The following ANK2 variants were observed in gnomAD, a reference collection of about 807,000 sequenced individuals.
The protein encoded by ANK2 is ankyrin-2.
A neutral mutation model predicts 360.5 loss-of-function variants in ANK2; 83 were observed. The observed-to-expected ratio is 0.23, with a 90% CI of 0.19 to 0.28. ANK2 has a LOEUF of 0.28. Among genes scored for constraint, ANK2 ranks in the 10% least tolerant of loss-of-function variants. The pLI is 1.00. For missense variants in ANK2, 4,201 were observed against 4,795.7 expected, an observed-to-expected ratio of 0.88 and a Z score of 3.66; for synonymous variants, 1,740 against 1,759.5, an observed-to-expected ratio of 0.99 and a Z score of 0.28.
chr4:112,791,479 C>CTTTTTTTTTTTTTTT, the ANK2 span, among the ~76,000 whole-genome samples: 7 of 93,896 alleles, frequency 7.5e-5, no homozygotes, highest in Admixed American at 1.3e-4. Flanking sequence ...TCTTCTTCTT[C>CTTTTTTTTTTTTTTT]TTTTTTTTTT....
At chr4:112,928,806 A>G (rs2092867723) in intron 2 of ANK2, among the ~76,000 whole-genome samples, 1 of 151,960 alleles carries the variant, frequency 6.6e-6, no homozygotes, top group Admixed American at 6.6e-5. Context: ...AGCTCCCAGA[A>G]TTGTAGAAAA....
chr4:112,944,030 T>G (rs1419113638), intron 2 of ANK2, among the ~76,000 whole-genome samples: 1 of 152,170 alleles, frequency 6.6e-6, no homozygotes, highest in Non-Finnish European at 1.5e-5. Context: ...GAGGTCTATT[T>G]TGCAGAATTT....
intron 1 of ANK2, among the ~76,000 whole-genome samples, chr4:113,088,769 C>A (rs1165172138): frequency 6.6e-6 from 1 of 152,072 alleles, no homozygotes; most frequent in Non-Finnish European, 1.5e-5. Context: ...ATAATTAGAA[C>A]CACATTTTTA....
intron 1 of ANK2, among the ~76,000 whole-genome samples, chr4:112,823,571 C>CA (rs34386421): frequency 0.5 from 71,830 of 143,308 alleles, 17,363 homozygotes; most frequent in Middle Eastern, 0.58. Flanking sequence ...AGAGGAAATG[C>CA]AAAAAAAAAA....
chr4:113,331,582 A>G (rs1173048241), intron 27 of ANK2, among the ~76,000 whole-genome samples: 3 of 152,144 alleles, frequency 2.0e-5, no homozygotes, highest in Admixed American at 2.0e-4. Context: ...TCGTGCTCAG[A>G]TAGTTTAGGC....
intron 1 of ANK2, among the ~76,000 whole-genome samples, chr4:113,097,909 T>C (rs2091909954): frequency 1.0e-4 from 12 of 114,822 alleles, no homozygotes; most frequent in Non-Finnish European, 1.2e-4. Flanking sequence ...CACATATATA[T>C]GTATATATAC....
At chr4:113,113,694 C>G (rs891915046) in intron 1 of ANK2, among the ~76,000 whole-genome samples, 1 of 152,036 alleles carries the variant, frequency 6.6e-6, no homozygotes, top group South Asian at 2.1e-4. Context: ...ATGGGAAGAG[C>G]CTTTTAATGT....
chr4:112,977,159 A>G (rs1173065315), intron 2 of ANK2, among the ~76,000 whole-genome samples: 8 of 152,230 alleles, frequency 5.3e-5, no homozygotes, highest in Admixed American at 1.3e-4. Flanking sequence ...AATTGTATTC[A>G]TGTAACTTTC....
At chr4:112,880,285 T>C (rs2076353581) in intron 1 of ANK2, 1 of 152,220 alleles carries the variant, frequency 6.6e-6, no homozygotes, top group Non-Finnish European at 1.5e-5. Context: ...AAACTAGTTA[T>C]CTAGACAGAT....
intron 26 of ANK2, among the ~76,000 whole-genome samples, chr4:113,322,635 A>G (rs912989289): frequency 6.6e-6 from 1 of 152,226 alleles, no homozygotes. Context: ...ATTCATTAAA[A>G]TGTCCTACAC....
At chr4:112,993,969 A>T (rs1369817463) in intron 2 of ANK2, among the ~76,000 whole-genome samples, 1 of 152,106 alleles carries the variant, frequency 6.6e-6, no homozygotes, top group East Asian at 1.9e-4. Flanking sequence ...TGGCCTCCCA[A>T]AGTGCTGGGA....
chr4:112,781,702 G>C, the ANK2 span, among the ~76,000 whole-genome samples: 1 of 151,522 alleles, frequency 6.6e-6, no homozygotes, highest in Non-Finnish European at 1.5e-5. Context: ...TCATCAAGCT[G>C]TCTACTTATA....
intron 1 of ANK2, among the ~76,000 whole-genome samples, chr4:113,127,850 G>A (rs1328280373): frequency 6.6e-6 from 1 of 152,084 alleles, no homozygotes; most frequent in Non-Finnish European, 1.5e-5. Context: ...GATGAACAGG[G>A]CTTGGATTGG....
chr4:112,831,793 C>T (rs1303711085), intron 1 of ANK2, among the ~76,000 whole-genome samples: 1 of 152,218 alleles, frequency 6.6e-6, no homozygotes, highest in African/African-American at 2.4e-5. Context: ...TGCAGCTTCA[C>T]TCCTGAAGCC....
rs367788127 is a variant in ANK2 at position 113,363,401 on chromosome 4, A to G, written c.10820A>G (p.Asn3607Ser). 1.9e-6 allele frequency: 3 copies of G among 1,613,554 alleles called. No homozygotes were observed. Among genetic ancestry groups the G allele is most frequent in the Non-Finnish European group, 2.5e-6 (3 of 1,179,680 alleles). The change falls in exon 40 of 46, where the codon AAC becomes AGC. Residue 3607 changes from asparagine to serine, a missense_variant. Physicochemically the swap from Asn to Ser is conservative, Grantham distance 46. Coordinates refer to ENST00000357077, the MANE Select transcript of ANK2 (RefSeq NM_001148.6). ...QIHQIRIENP[N>S]SLQDQSHALL... is the part of the protein sequence containing the mutation. ...CATCAAATTCGAATTGAAAATCCCA[A>G]CTCTCTTCAAGACCAGAGTCATGCA...
intron 2 of ANK2, among the ~76,000 whole-genome samples, chr4:112,920,972 T>G (rs2091317311): frequency 6.6e-6 from 1 of 152,174 alleles, no homozygotes; most frequent in Non-Finnish European, 1.5e-5. Context: ...ATTTTATTTA[T>G]TTAAACACAT....
intron 2 of ANK2, among the ~76,000 whole-genome samples, chr4:113,044,456 A>G (rs2063768689): frequency 6.6e-6 from 1 of 152,190 alleles, no homozygotes; most frequent in African/African-American, 2.4e-5. Flanking sequence ...GCAACCAACT[A>G]TAAGGGAGGA....
At chr4:113,372,703 A>T (rs1258060044) in intron 43 of ANK2, 23 of 1,040,646 alleles carry the variant, frequency 2.2e-5, no homozygotes, top group Non-Finnish European at 8.6e-6. Flanking sequence ...GGATCAATGA[A>T]GGCTTGGCAT....
intron 34 of ANK2, among the ~76,000 whole-genome samples, chr4:113,345,042 C>A (rs897292423): frequency 1.3e-5 from 2 of 152,026 alleles, no homozygotes; most frequent in African/African-American, 4.8e-5. Context: ...AAACTAGACA[C>A]CTTTTTAGGT....
Sources: allele counts gnomAD v4.1 joint callset (sites outside exome capture counted in the v4.1 genomes callset), GRCh38; gene constraint gnomAD v4.1.1; transcripts MANE v1.5; gene names NCBI Gene and HGNC (gene_info 2026-07-23, HGNC 2026-07-21).